The following FLNA variants were observed in gnomAD, a reference collection of about 807,000 sequenced individuals.
FLNA encodes filamin A, also known as filamin-A.
FLNA carries 7 observed loss-of-function variants against 157.6 expected under a neutral mutation model. The observed-to-expected ratio is 0.04, with a 90% CI of 0.03 to 0.08. FLNA has a LOEUF of 0.08. Ranked by LOEUF, FLNA falls within the 10% of genes least tolerant of loss-of-function variation. The probability of loss-of-function intolerance (pLI) is 1.00; values close to 1 mark genes in which losing one functional copy is unlikely to be tolerated. For synonymous variants in FLNA, 1,103 were observed against 1,060.8 expected (o/e 1.04, Z -0.77); for missense variants, 1,750 against 2,398.4 (o/e 0.73, Z 5.65).
chrX:154,374,363 A>T (rs1445607954), intron 1 of FLNA, 143 bp downstream of exon 1: 1 of 112,393 alleles, frequency 8.9e-6, no homozygotes, highest in Non-Finnish European at 1.9e-5. Flanking sequence ...CGGCTCACGC[A>T]TCCCAGCTGA....
At chrX:154,358,061 G>T in intron 28 of FLNA, 138 bp downstream of exon 28, 1 of 715,509 alleles carries the variant, frequency 1.4e-6, no homozygotes, top group Non-Finnish European at 2.1e-6. Flanking sequence ...CACAACCTTA[G>T]CAAACCAAAG....
At position 154,353,726 on chromosome X, in the gene FLNA, C is replaced by T. The variant is rs2148105928; in HGVS notation, c.5688G>A (p.Gly1896=). Residue 1896 remains glycine (G), a splice_region_variant and synonymous_variant, in exon 36 of 48, where the codon GGG becomes GGA. Coordinates refer to ENST00000369850, the MANE Select transcript of FLNA (RefSeq NM_001110556.2). ...GGCCCTCAATGGCCAGAGACAGGCC[C>T]CCTGGAGAGAGCCGTGGGTGAGCAT... is the stretch of plus-strand genomic sequence containing the variant. The part of the protein sequence containing the change: ...FTVNTKDAGE[G]GLSLAIEGPS... 1 of 1,208,789 alleles carries T rather than the reference C, an allele frequency of 8.3e-7. No homozygotes were observed. The highest frequency in any genetic ancestry group is 2.3e-4 in the Middle Eastern group (1 of 4,291).
At chrX:154,357,027 A>G (rs1159307948) in intron 30 of FLNA, among the ~76,000 whole-genome samples, 1 of 111,923 alleles carries the variant, frequency 8.9e-6, no homozygotes, top group African/African-American at 3.2e-5. Context: ...CAGATGGGGA[A>G]ATAAAGGCCC....
At chrX:154,365,967 C>A in intron 9 of FLNA, 57 bp downstream of exon 9, 1 of 1,113,180 alleles carries the variant, frequency 9.0e-7, no homozygotes, top group Admixed American at 2.3e-5. Context: ...GGGTCCCCCT[C>A]CTGTGGGAGG....
In FLNA at chrX:154,362,573, C is replaced by T. The variant is rs374130804; in HGVS notation, c.2410G>A (p.Val804Ile). 1.4e-5 allele frequency: 17 copies of T among 1,209,695 alleles called. No homozygotes were observed. Among genetic ancestry groups the T allele is most frequent in the African/African-American group, 5.2e-5 (3 of 57,429 alleles). The change falls in exon 17 of 48, where the codon GTC (valine) becomes ATC (isoleucine). Residue 804 changes from valine to isoleucine, a missense_variant. Physicochemically the swap from Val to Ile is conservative, Grantham distance 29. This residue lies in a region of FLNA where 648 missense variants were observed against 805.8 expected (regional missense o/e 0.80). Transcript: ENST00000369850. ...VDCAEAGQGD[V>I]SIGIKCAPGV... ...GGGGCACACTTGATGCCGATGCTGA[C>T]GTCCCCTGCGGCGGGGAGAGGAGCG...
chrX:154,352,875 G>A lies in FLNA; in HGVS notation c.6276C>T (p.Ile2092=), dbSNP rs782323630. The A allele has an allele frequency of 1.7e-5, 21 of 1,211,829 alleles. No homozygotes were observed. The highest frequency in any genetic ancestry group is 2.2e-5 in the Non-Finnish European group (20 of 895,354). Reference sequence around the variant, plus strand: ...TCCCGTCCTCCAGGTCCTCTGTGTTGATGTCCACCTTGCTGGGGCCCTCAA... The same window carrying A: ...TCCCGTCCTCCAGGTCCTCTGTGTTAATGTCCACCTTGCTGGGGCCCTCAA... ...LSIEGPSKVD[I]NTEDLEDGTC... is the part of the protein sequence containing the mutation. Residue 2092 remains isoleucine, a synonymous_variant, in exon 39 of 48, where the codon ATC becomes ATT. Coordinates refer to ENST00000369850, the MANE Select transcript of FLNA (RefSeq NM_001110556.2).
Position 154,352,038 on chromosome X carries a change from T to C in FLNA, c.6770-17A>G. ...TGAATTCGGCTGTGGGAGAACAGTT[T>C]GTCCTCACTGAAGGCTGCTTCACCA... On this transcript the variant is annotated splice_polypyrimidine_tract_variant and intron_variant, in intron 41 of 47. Coordinates refer to ENST00000369850, the MANE Select transcript of FLNA (RefSeq NM_001110556.2). 8.3e-7 allele frequency: 1 copy of C among 1,211,377 alleles called. No homozygotes were observed. Among genetic ancestry groups the C allele is most frequent in the Non-Finnish European group, 1.1e-6 (1 of 895,497 alleles).
intron 44 of FLNA, chrX:154,350,470 A>G: frequency 2.4e-6 from 1 of 424,470 alleles, no homozygotes; most frequent in Admixed American, 4.1e-5. Flanking sequence ...AAGAAAGGTT[A>G]CCGTGAACAC....
intron 30 of FLNA, among the ~76,000 whole-genome samples, chrX:154,356,884 C>G (rs1431497656): frequency 1.8e-5 from 2 of 112,252 alleles, no homozygotes; most frequent in Admixed American, 9.4e-5. Flanking sequence ...TTGGGGAGAC[C>G]CCTTGTTCCC....
rs1057521289 is a variant in FLNA at position 154,371,222 on chromosome X, C to T, written c.24G>A (p.Ala8=). The T allele has an allele frequency of 1.2e-5, 15 of 1,200,683 alleles. No homozygotes were observed. In the East Asian group the frequency reaches 1.5e-4, roughly 12 times the overall value. ...GAGCCGCGCCTGCTGCGCTCTGGCC[C>T]GCCCGAGAGTGGGAGCTACTCATTT... MSSSHSR[A]GQSAAGAAPG... Residue 8 remains alanine (A), a synonymous_variant, in exon 2 of 48, where the codon GCG becomes GCA. Transcript: ENST00000369850.
Position 154,360,015 on chromosome X carries a change from G to A in FLNA, c.3780C>T (p.Cys1260=). 8.3e-7 allele frequency: 1 copy of A among 1,210,806 alleles called. No homozygotes were observed. Among genetic ancestry groups the A allele is most frequent in the South Asian group, 1.8e-5 (1 of 57,037 alleles). ...EPAVDTSGVQ[C]YGPGIEGQGV... is the part of the protein sequence containing the mutation. ...CCTGGCCCTCAATACCAGGCCCATA[G>A]CACTGGACACCGGAAGTGTCCACCG... Residue 1260 remains cysteine (C), a synonymous_variant, in exon 22 of 48, where the codon TGC becomes TGT. Transcript: ENST00000369850.
At chrX:154,368,817 G>A (rs2067782383) in intron 2 of FLNA, among the ~76,000 whole-genome samples, 1 of 113,130 alleles carries the variant, frequency 8.8e-6, no homozygotes, top group African/African-American at 3.2e-5. Context: ...GGGGCCCATC[G>A]GGAGATGCCG....
Position 154,353,907 on chromosome X carries a change from T to C in FLNA, c.5686+8A>G. ...ACAGAGCAGGTCAAGACCAGAGCTATTGCTCACCCTCTCCTGCATCCTTGG... is the reference window on the plus strand; with the variant it reads ...ACAGAGCAGGTCAAGACCAGAGCTACTGCTCACCCTCTCCTGCATCCTTGG... On this transcript the variant is annotated splice_region_variant and intron_variant, in intron 35 of 47. Transcript: ENST00000369850. 1 of 1,211,810 alleles carries C rather than the reference T, an allele frequency of 8.3e-7. No homozygotes were observed. Among genetic ancestry groups the C allele is most frequent in the Non-Finnish European group, 1.1e-6 (1 of 895,380 alleles).
Position 154,367,559 on chromosome X carries a change from A to G in FLNA, c.721-15T>C. ...GGGGTGATCACCTGTCACAGGCAGA[A>G]AACAGGAGCCATCGGGCCTCCGAGT... On this transcript the variant is annotated splice_polypyrimidine_tract_variant and intron_variant, in intron 4 of 47. Coordinates refer to ENST00000369850, the MANE Select transcript of FLNA (RefSeq NM_001110556.2). 1 of 1,211,358 alleles carries G rather than the reference A, an allele frequency of 8.3e-7. No individual in the cohort carries two copies. Among genetic ancestry groups the G allele is most frequent in the Non-Finnish European group, 1.1e-6 (1 of 895,414 alleles).
At chrX:154,360,919 C>T (rs1257697066) in intron 21 of FLNA, among the ~76,000 whole-genome samples, 1 of 107,151 alleles carries the variant, frequency 9.3e-6, no homozygotes, top group East Asian at 2.9e-4. Context: ...TGGTGGCGGG[C>T]ACCTGTAATC....
At chrX:154,370,295 C>G (rs2067794936) in intron 2 of FLNA, among the ~76,000 whole-genome samples, 1 of 112,338 alleles carries the variant, frequency 8.9e-6, no homozygotes, top group Admixed American at 9.3e-5. Flanking sequence ...GCTAACTATG[C>G]TTCTTTCTGG....
chrX:154,354,621 T>C lies in FLNA; in HGVS notation c.5308A>G (p.Thr1770Ala). The part of the protein sequence containing the change: ...QYTYAQGGQQ[T>A]WAPERPLVGV... ...CCTAGCTGGCCAGGCCGTACCCAAGTCTGCTGGCCGCCCTGGGCGTAGGTG... is the reference window on the plus strand; with the variant it reads ...CCTAGCTGGCCAGGCCGTACCCAAGCCTGCTGGCCGCCCTGGGCGTAGGTG... The change falls in exon 32 of 48, where the codon ACT (threonine) becomes GCT (alanine). Residue 1770 changes from threonine to alanine, a missense_variant. This residue lies in a region of FLNA where 970 missense variants were observed against 1,302.6 expected (regional missense o/e 0.74). Transcript: ENST00000369850. 1 of 1,200,442 alleles carries C rather than the reference T, an allele frequency of 8.3e-7. No individual in the cohort carries two copies. Among genetic ancestry groups the C allele is most frequent in the Non-Finnish European group, 1.1e-6 (1 of 889,598 alleles).
rs782572024 is a variant in FLNA at position 154,371,138 on chromosome X, C to T, written c.108G>A (p.Ala36=). The change falls in exon 2 of 48, where the codon GCG becomes GCA. Residue 36 remains alanine, a synonymous_variant. Coordinates refer to ENST00000369850, the MANE Select transcript of FLNA (RefSeq NM_001110556.2). ...AEMPATEKDL[A]EDAPWKKIQQ... is the part of the protein sequence containing the mutation. ...GGATCTTCTTCCACGGCGCGTCCTC[C>T]GCCAGGTCCTTCTCGGTGGCCGGCA... 4.2e-6 allele frequency: 5 copies of T among 1,202,198 alleles called. No individual in the cohort carries two copies. The highest frequency in any genetic ancestry group is 2.5e-4 in the Middle Eastern group (1 of 4,051).
chrX:154,358,864 C>A, intron 26 of FLNA, 120 bp downstream of exon 26: 3 of 868,999 alleles, frequency 3.5e-6, no homozygotes, highest in Non-Finnish European at 3.4e-6. Context: ...TCCAAAAACA[C>A]CTACACACTT....
Sources: allele counts gnomAD v4.1 joint callset (sites outside exome capture counted in the v4.1 genomes callset), GRCh38; gene constraint gnomAD v4.1.1; regional missense constraint gnomAD v4.1.1; transcripts MANE v1.5; gene names NCBI Gene and HGNC (gene_info 2026-07-23, HGNC 2026-07-21).